The following MEGF11 variants were observed in gnomAD, a reference collection of about 807,000 sequenced individuals.
The protein encoded by MEGF11 is multiple epidermal growth factor-like domains protein 11.
MEGF11 carries 126 observed loss-of-function variants against 146.6 expected under a neutral mutation model. The ratio of observed to expected loss-of-function variants is 0.86; its 90% CI spans 0.74 to 1.00. MEGF11 has a LOEUF of 1.00. MEGF11 is among the 50% of genes least tolerant of loss of function. MEGF11 has a pLI of 0.00. For synonymous variants in MEGF11, 532 were observed against 583.4 expected (o/e 0.91, Z 1.27); for missense variants, 1,509 against 1,521.2 (o/e 0.99, Z 0.13).
chr15:66,033,732 T>G (rs934154889), intron 5 of MEGF11, among the ~76,000 whole-genome samples: 1 of 152,264 alleles, frequency 6.6e-6, no homozygotes, highest in Non-Finnish European at 1.5e-5. Flanking sequence ...GAAATTATTC[T>G]CCAGCTTTAA....
intron 5 of MEGF11, among the ~76,000 whole-genome samples, chr15:66,069,349 T>C (rs2085271969): frequency 6.6e-6 from 1 of 152,322 alleles, no homozygotes; most frequent in East Asian, 1.9e-4. Context: ...GTACCTGCCA[T>C]GAAGCAAGGA....
chr15:66,195,893 AG>A, intron 1 of MEGF11, among the ~76,000 whole-genome samples: 1 of 152,206 alleles, frequency 6.6e-6, no homozygotes, highest in Admixed American at 6.5e-5. Flanking sequence ...TCACCACAGC[AG>A]GGGCTGGAGT....
chr15:65,959,263 AAATT>A (rs1192824692), intron 9 of MEGF11, among the ~76,000 whole-genome samples: 5 of 152,234 alleles, frequency 3.3e-5, no homozygotes, highest in African/African-American at 1.2e-4. Flanking sequence ...TATATTTAGA[AAATT>A]AATTAATGAG....
chr15:66,082,830 T>G (rs1343687640), intron 5 of MEGF11, among the ~76,000 whole-genome samples: 1 of 152,112 alleles, frequency 6.6e-6, no homozygotes, highest in Non-Finnish European at 1.5e-5. Context: ...TCATTCATTC[T>G]CCTTACTCCC....
At chr15:66,147,014 C>T (rs971174081) in intron 1 of MEGF11, among the ~76,000 whole-genome samples, 2 of 152,166 alleles carry the variant, frequency 1.3e-5, no homozygotes, top group Non-Finnish European at 2.9e-5. Context: ...ATGTGGACAC[C>T]ATTCCTCACT....
At chr15:65,955,793 T>TATACAC (rs1555455862) in intron 10 of MEGF11, among the ~76,000 whole-genome samples, 2 of 6,780 alleles carry the variant, frequency 2.9e-4, no homozygotes, top group Non-Finnish European at 7.7e-4. Context: ...TATATATATA[T>TATACAC]ACACACACAC....
intron 19 of MEGF11, 77 bp from the exon 20 acceptor site, chr15:65,914,050 G>A (rs1037264622): frequency 1.2e-5 from 13 of 1,090,392 alleles, no homozygotes; most frequent in African/African-American, 7.7e-5. Context: ...GTTCAGATGC[G>A]TGTAACCCCT....
Position 65,982,427 on chromosome 15 carries a change from G to A in MEGF11, c.456C>T (p.Ala152=), listed in dbSNP as rs1157241892. ...AGGCGCCTGTGATGGGGTTACACAG[G>A]GCGCCGTTCTGGCACTGGCACCGGT... is the stretch of plus-strand genomic sequence containing the variant. ...CSNRCQCQNG[A]LCNPITGACV... The change falls in exon 6 of 26, where the codon GCC becomes GCT. Residue 152 remains alanine, a synonymous_variant. Coordinates refer to ENST00000395614, the MANE Select transcript of MEGF11 (RefSeq NM_001385028.1). This position sits in a 1 kb window ranked among gnomAD's most constrained non-coding sequence, Gnocchi z 5.6. 1 of 1,501,530 alleles carries A rather than the reference G, an allele frequency of 6.7e-7. No individual in the cohort carries two copies. Among genetic ancestry groups the A allele is most frequent in the Non-Finnish European group, 8.9e-7 (1 of 1,123,388 alleles). The allele number at this position is 1,501,530 out of a possible 1,614,324, so 93.0% of individuals were successfully genotyped here. A position where few individuals can be genotyped will look rare whatever the true frequency, so the allele number is the denominator to read the frequency against.
At position 65,898,948 on chromosome 15, in the gene MEGF11, G is replaced by T; in HGVS notation, c.3056-14C>A. On this transcript the variant is annotated splice_polypyrimidine_tract_variant and intron_variant, in intron 24 of 25. Transcript: ENST00000395614. The stretch of plus-strand genomic sequence containing the variant: ...CTTTCATGTAATCTGCAAGGCAAGA[G>T]ACATTTCTTAGGACAAGCAAGAATA... 1 of 1,613,164 alleles carries T rather than the reference G, an allele frequency of 6.2e-7. No individual in the cohort carries two copies. Among genetic ancestry groups the T allele is most frequent in the South Asian group, 1.1e-5 (1 of 91,020 alleles).
At chr15:66,076,055 G>A (rs1567229279) in intron 5 of MEGF11, among the ~76,000 whole-genome samples, 3 of 152,168 alleles carry the variant, frequency 2.0e-5, no homozygotes, top group Non-Finnish European at 4.4e-5. Flanking sequence ...CTGAATGAGT[G>A]GATGAATGAA....
intron 1 of MEGF11, among the ~76,000 whole-genome samples, chr15:66,136,217 T>C (rs904577474): frequency 6.6e-6 from 1 of 152,234 alleles, no homozygotes; most frequent in Non-Finnish European, 1.5e-5. Context: ...GGTGGTGCCC[T>C]GCAAACTGCA....
chr15:66,222,388 A>G (rs1373796466), intron 1 of MEGF11, among the ~76,000 whole-genome samples: 7 of 151,836 alleles, frequency 4.6e-5, no homozygotes, highest in African/African-American at 1.7e-4. Flanking sequence ...CTCTCCCCCA[A>G]TCTTCCTTCC....
chr15:65,929,294 C>T (rs1219134791), intron 12 of MEGF11, among the ~76,000 whole-genome samples: 4 of 152,154 alleles, frequency 2.6e-5, no homozygotes, highest in Non-Finnish European at 5.9e-5. Flanking sequence ...CTTTAGTCAC[C>T]ACACACTCTG....
chr15:66,059,377 G>A (rs1055339257), intron 5 of MEGF11, among the ~76,000 whole-genome samples: 6 of 152,132 alleles, frequency 3.9e-5, no homozygotes, highest in African/African-American at 1.4e-4. Flanking sequence ...GAGGAAAGGC[G>A]CCCTGCTCAG....
chr15:65,909,980 G>T (rs1187395008), intron 21 of MEGF11, 174 bp from the exon 22 acceptor site: 3 of 701,830 alleles, frequency 4.3e-6, no homozygotes, highest in East Asian at 5.4e-5. Flanking sequence ...CCATGGTGTG[G>T]TTGATGCTAG....
chr15:65,963,211 A>G (rs191363033), intron 9 of MEGF11, among the ~76,000 whole-genome samples: 116 of 152,266 alleles, frequency 7.6e-4, no homozygotes, highest in Middle Eastern at 3.4e-3. Flanking sequence ...ATTTAGACAC[A>G]TGCAACAGTC....
Position 65,897,883 on chromosome 15 carries a change from C to T in MEGF11, c.*51G>A. On this transcript the variant is annotated 3_prime_UTR_variant, in exon 26 of 26. Transcript: ENST00000395614. ...TTCAAGTCAAGGGACTGTCTTCTTT[C>T]AGAGTCAGAATATTCAGTAGAGCAC... 2 of 1,549,168 alleles carry T rather than the reference C, an allele frequency of 1.3e-6. No homozygotes were observed. Among genetic ancestry groups the T allele is most frequent in the Non-Finnish European group, 1.8e-6 (2 of 1,139,514 alleles).
At chr15:66,187,037 A>G (rs1388138170) in intron 1 of MEGF11, among the ~76,000 whole-genome samples, 2 of 152,248 alleles carry the variant, frequency 1.3e-5, no homozygotes, top group African/African-American at 4.8e-5. Flanking sequence ...AAATGTGTTA[A>G]TTATGATCTA....
At chr15:66,227,617 G>A (rs193112359) in intron 1 of MEGF11, among the ~76,000 whole-genome samples, 18 of 152,134 alleles carry the variant, frequency 1.2e-4, no homozygotes, top group African/African-American at 4.1e-4. Context: ...CCCCCATTGA[G>A]CTTCACCCAG....
Sources: gnomAD v4.1 joint callset for allele counts (sites outside exome capture counted in the v4.1 genomes callset) on GRCh38, gnomAD v4.1.1 for gene constraint, Gnocchi (gnomAD v3.1) non-coding constraint, MANE v1.5 for transcripts, NCBI Gene and HGNC (gene_info 2026-07-23, HGNC 2026-07-21) for gene names.